The following TTC6 variants were observed in gnomAD, a reference collection of about 807,000 sequenced individuals.
The protein encoded by TTC6 is tetratricopeptide repeat domain 6, also known as tetratricopeptide repeat protein 6.
Under a neutral mutation model 210.4 loss-of-function variants are expected in TTC6, and 172 were observed. That is an observed-to-expected ratio of 0.82 (90% CI 0.72 to 0.93). The LOEUF (loss-of-function observed/expected upper bound fraction) is 0.93. TTC6 is among the 40% of genes least tolerant of loss of function. TTC6 has a pLI of 0.00. For missense variants in TTC6, 2,414 were observed against 2,318.1 expected (o/e 1.04, Z -0.85); for synonymous variants, 804 against 819.6 (o/e 0.98, Z 0.32).
At position 37,625,404 on chromosome 14, in the gene TTC6, C is replaced by T. The variant is rs177832; in HGVS notation, c.939+2401C>T. On this transcript the variant is annotated intron_variant, in intron 1 of 30. Transcript: ENST00000553443. ...CTCTACTAAAAATACAAAAATTAGCCGGGCGTGGTGGCAGGCGCCTGTAAT... is the reference window on the plus strand; with the variant it reads ...CTCTACTAAAAATACAAAAATTAGCTGGGCGTGGTGGCAGGCGCCTGTAAT... Among the ~76,000 whole-genome samples the T allele has an allele frequency of 1.3e-3, 202 of 151,814 alleles. 1 individual carries two copies. Among genetic ancestry groups the T allele is most frequent in the African/African-American group, 4.6e-3 (191 of 41,438 alleles).
chr14:37,784,079 A>G (rs1366029757), intron 14 of TTC6, among the ~76,000 whole-genome samples: 2 of 152,152 alleles, frequency 1.3e-5, no homozygotes, highest in African/African-American at 4.8e-5. Flanking sequence ...AATAAGTCCG[A>G]TGTGGTGCTG....
intron 7 of TTC6, among the ~76,000 whole-genome samples, chr14:37,733,031 T>G (rs1365804644): frequency 6.6e-6 from 1 of 152,316 alleles, no homozygotes; most frequent in East Asian, 1.9e-4. Flanking sequence ...ACCCATGAAG[T>G]TCAAACCCAT....
At chr14:37,817,150 A>G (rs1473007745) in intron 25 of TTC6, among the ~76,000 whole-genome samples, 2 of 152,174 alleles carry the variant, frequency 1.3e-5, no homozygotes, top group Admixed American at 6.5e-5. Context: ...TGCTTGTCCT[A>G]TAGTCACATA....
intron 26 of TTC6, among the ~76,000 whole-genome samples, chr14:37,818,494 T>A (rs2096147695): frequency 6.6e-6 from 1 of 152,066 alleles, no homozygotes; most frequent in African/African-American, 2.4e-5. Context: ...ACCAGTTAAT[T>A]TGGAGGATTA....
At position 37,835,662 on chromosome 14, in the gene TTC6, A is replaced by C. The variant is rs151317871; in HGVS notation, c.5299-5783A>C. Among the ~76,000 whole-genome samples the C allele has an allele frequency of 4.5e-3, 690 of 152,332 alleles. 10 individuals carry two copies. The highest frequency in any genetic ancestry group is 0.016 in the African/African-American group (670 of 41,584). On this transcript the variant is annotated intron_variant, in intron 29 of 30. Coordinates refer to ENST00000553443, the Ensembl canonical transcript of TTC6. ...CAGTGGGAGTGAACGGTGAAGAAAG[A>C]AAGACAAGATGGCTAGAAGTTTTAA...
At chr14:37,651,545 A>G (rs761863473) in intron 1 of TTC6, among the ~76,000 whole-genome samples, 3 of 150,070 alleles carry the variant, frequency 2.0e-5, no homozygotes, top group Non-Finnish European at 3.0e-5. Context: ...CACATATTAG[A>G]GATATTTAAT....
chr14:37,755,225 A>G (rs1408301584), intron 14 of TTC6, among the ~76,000 whole-genome samples: 1 of 141,298 alleles, frequency 7.1e-6, no homozygotes, highest in African/African-American at 2.5e-5. Context: ...CCACTTTTTG[A>G]TGTTTTTTTT....
At chr14:37,638,098 G>A (rs1378436544) in intron 1 of TTC6, among the ~76,000 whole-genome samples, 1 of 152,086 alleles carries the variant, frequency 6.6e-6, no homozygotes, top group Non-Finnish European at 1.5e-5. Context: ...CCTTCAAGGG[G>A]TAAATGGATA....
chr14:37,678,160 T>A (rs1181390761), intron 1 of TTC6, among the ~76,000 whole-genome samples: 2 of 152,126 alleles, frequency 1.3e-5, no homozygotes, highest in Non-Finnish European at 2.9e-5. Flanking sequence ...GATAGGCAGT[T>A]AAGTTACTTG....
At chr14:37,713,650 TC>T (rs1335878311) in intron 5 of TTC6, among the ~76,000 whole-genome samples, 1 of 152,172 alleles carries the variant, frequency 6.6e-6, no homozygotes, top group Non-Finnish European at 1.5e-5. Context: ...AGTTTTAACC[TC>T]TCTTTGAATT....
At chr14:37,796,900 A>G (rs2096094059) in exon 20 of TTC6, 1 of 1,607,846 alleles carries the variant, frequency 6.2e-7, no homozygotes, top group South Asian at 1.1e-5. Flanking sequence ...TGAGATGACC[A>G]TGTGTGCTCT....
Position 37,606,740 on chromosome 14 carries a change from G to A in TTC6, c.-157G>A. The stretch of plus-strand genomic sequence containing the variant: ...GAGAGGAACAAGGATTCATGGAAGT[G>A]AGGTATGATGTCTTCAGTTCTTTCC... On this transcript the variant is annotated splice_region_variant and 5_prime_UTR_variant, in exon 2 of 3. An upstream open reading frame in the 5' UTR loses its in-frame stop. Transcript: ENST00000556845. 1 of 985,348 alleles carries A rather than the reference G, an allele frequency of 1.0e-6. No individual in the cohort carries two copies. Among genetic ancestry groups the A allele is most frequent in the Non-Finnish European group, 1.2e-6 (1 of 829,932 alleles). 61.0% of individuals were successfully genotyped at this position (985,348 alleles called of 1,614,324 possible).
rs1038167039 is a variant in TTC6, at chr14:37,780,244, CT to C, written c.3267-7220del. On this transcript the variant is annotated intron_variant, in intron 14 of 30. Coordinates refer to ENST00000553443, the Ensembl canonical transcript of TTC6. Reference sequence around the variant, plus strand: ...ATTAGTGAAACATTTTTTTCCTCAACTTTTAAGTTCAGGGGTACATGTGCCA... The same window carrying C: ...ATTAGTGAAACATTTTTTTCCTCAACTTTAAGTTCAGGGGTACATGTGCCA... 3.9e-5 allele frequency among the ~76,000 whole-genome samples: 6 copies of C among 152,216 alleles called. No individual in the cohort carries two copies. In the East Asian group the frequency reaches 1.2e-3, roughly 29 times the overall value.
intron 22 of TTC6, 125 bp from the exon 25 acceptor site, chr14:37,807,195 A>G (rs2096120140): frequency 3.3e-6 from 3 of 905,878 alleles, no homozygotes; most frequent in Non-Finnish European, 4.4e-6. Flanking sequence ...GAAAAATTTT[A>G]AAAAGACTAT....
rs118189510 is a variant in TTC6, at chr14:37,662,885, C to T, written c.940-17266C>T. Among the ~76,000 whole-genome samples the T allele has an allele frequency of 8.8e-3, 1,345 of 152,118 alleles. 37 individuals carry two copies. Among genetic ancestry groups the T allele is most frequent in the Non-Finnish European group, 0.012 (842 of 67,994 alleles). On this transcript the variant is annotated intron_variant, in intron 1 of 30. Transcript: ENST00000553443. ...GGCTATTTGGGCTCTTTTTTGGTTCCGTGTGGATTTTAAAATAGTTTTTCC... is the reference window on the plus strand; with the variant it reads ...GGCTATTTGGGCTCTTTTTTGGTTCTGTGTGGATTTTAAAATAGTTTTTCC...
chr14:37,787,889 C>CTGTGTGTGTG lies in TTC6; in HGVS notation c.3436+278_3436+287dup, dbSNP rs3062823. Among the ~76,000 whole-genome samples, 331 of 147,314 alleles carry CTGTGTGTGTG rather than the reference C, an allele frequency of 2.2e-3. 1 individual carries two copies. The highest frequency in any genetic ancestry group is 7.5e-3 in the African/African-American group (299 of 39,920). On this transcript the variant is annotated intron_variant, in intron 15 of 30. Coordinates refer to ENST00000553443, the Ensembl canonical transcript of TTC6. ...ATATGCCCTTTATGTGTGTGTGTGT[C>CTGTGTGTGTG]TGTGTGTGTGTGTGTGTGTGTGTGT...
Position 37,812,902 on chromosome 14 carries a change from C to T in TTC6, c.4689+469C>T, listed in dbSNP as rs187264600. On this transcript the variant is annotated intron_variant, in intron 25 of 30. Transcript: ENST00000553443. ...GTGGTGACAGGCATTTAGAATCATACTAGAAAAAAGTATAGGCAAGGTTTT... is the reference window on the plus strand; with the variant it reads ...GTGGTGACAGGCATTTAGAATCATATTAGAAAAAAGTATAGGCAAGGTTTT... 1.2e-3 allele frequency among the ~76,000 whole-genome samples: 181 copies of T among 152,100 alleles called. 2 individuals carry two copies. The highest frequency in any genetic ancestry group is 4.2e-3 in the African/African-American group (174 of 41,494).
intron 10 of TTC6, among the ~76,000 whole-genome samples, chr14:37,740,993 G>A (rs971524486): frequency 1.3e-5 from 2 of 152,100 alleles, no homozygotes; most frequent in African/African-American, 4.8e-5. Context: ...ATATTATAAA[G>A]TTTTACCATT....
At chr14:37,688,096 C>A (rs367631577) in intron 3 of TTC6, among the ~76,000 whole-genome samples, 21 of 152,222 alleles carry the variant, frequency 1.4e-4, no homozygotes, top group African/African-American at 5.1e-4. Context: ...GGACAAGCAG[C>A]ATTTACCACA....
Sources: gnomAD v4.1 joint callset for allele counts (sites outside exome capture counted in the v4.1 genomes callset) on GRCh38, gnomAD v4.1.1 for gene constraint, MANE v1.5 for transcripts, NCBI Gene and HGNC (gene_info 2026-07-23, HGNC 2026-07-21) for gene names.